Variants in SAR1A observed in about 807,000 individuals in gnomAD.
SAR1A encodes small COPII coat GTPase SAR1A.
In SAR1A, 6 loss-of-function variants were observed where a neutral mutation model predicts 22.6. The ratio of observed to expected loss-of-function variants is 0.27; its 90% CI spans 0.15 to 0.52. The LOEUF is 0.52. Ranked by LOEUF, SAR1A falls within the 20% of genes least tolerant of loss-of-function variation. The pLI is 0.96. For missense variants in SAR1A, 145 were observed against 245.1 expected, an observed-to-expected ratio of 0.59 and a Z score of 2.73; for synonymous variants, 70 against 82.2, an observed-to-expected ratio of 0.85 and a Z score of 0.80.
chr10:70,157,723 C>T (rs1227020876), intron 5 of SAR1A, 41 bp downstream of exon 5: 1 of 1,477,330 alleles, frequency 6.8e-7, no homozygotes, highest in Middle Eastern at 1.9e-4. Context: ...CAAAAAAGAA[C>T]AAAATATACA....
chr10:70,160,993 T>G lies in SAR1A; in HGVS notation c.244+11A>C. The G allele has an allele frequency of 1.9e-6, 3 of 1,604,598 alleles. No individual in the cohort carries two copies. The highest frequency in any genetic ancestry group is 2.6e-6 in the Non-Finnish European group (3 of 1,173,996). The stretch of plus-strand genomic sequence containing the variant: ...GTCAATAAACATGCTTTCCACTGAG[T>G]CATCACTTACCTTGCTCGTGCCCAC... On this transcript the variant is annotated intron_variant, in intron 4 of 6. Transcript: ENST00000373241.
At chr10:70,161,122 A>C in intron 3 of SAR1A, 53 bp from the exon 4 acceptor site, 4 of 1,232,288 alleles carry the variant, frequency 3.2e-6, no homozygotes, top group Non-Finnish European at 4.7e-6. Context: ...ACAACCCCCA[A>C]CTACTAGTAC....
intron 4 of SAR1A, among the ~76,000 whole-genome samples, chr10:70,160,206 A>G (rs2136715498): frequency 6.6e-6 from 1 of 152,354 alleles, no homozygotes; most frequent in East Asian, 1.9e-4. Context: ...TGACCAAAAA[A>G]AAAAGGAAAT....
rs754256265 is a variant in SAR1A at position 70,153,858 on chromosome 10, A to G, written c.460T>C (p.Tyr154His). ...CTTACCTTTCCTGTGGTCTGTCCATAAAGCCCAAATATCTCACGGAGTTTT... is the reference window on the plus strand; with the variant it reads ...CTTACCTTTCCTGTGGTCTGTCCATGAAGCCCAAATATCTCACGGAGTTTT... ...EEKLREIFGLYGQTTGKGNVT... is the reference protein window; with the variant it reads ...EEKLREIFGLHGQTTGKGNVT... Residue 154 changes from tyrosine (Y) to histidine (H), a missense_variant, in exon 6 of 7, where the codon TAT becomes CAT. Tyr to His is a moderately conservative substitution (Grantham distance 83). Around this residue, in one of 3 missense-constraint regions of SAR1A, gnomAD observed 83 missense variants for 114.7 expected, o/e 0.72. Coordinates refer to ENST00000373241, the MANE Select transcript of SAR1A (RefSeq NM_020150.5). The G allele has an allele frequency of 6.3e-7, 1 of 1,599,892 alleles. No individual in the cohort carries two copies. The highest frequency in any genetic ancestry group is 1.1e-5 in the South Asian group (1 of 87,386).
rs1038324489 is a variant in SAR1A, at chr10:70,150,094, A to G, written c.*2382T>C. 1 of 151,694 alleles carries G rather than the reference A, an allele frequency of 6.6e-6. No homozygotes were observed. The highest frequency in any genetic ancestry group is 2.4e-5 in the African/African-American group (1 of 41,266). The allele number at this position is 151,694 out of a possible 1,614,324, so 9.4% of individuals were successfully genotyped here. ...TTCAAGTATCTCACACGCACCCTAAATGTCTCTTCCTCTATGCAGGGAACT... is the reference window on the plus strand; with the variant it reads ...TTCAAGTATCTCACACGCACCCTAAGTGTCTCTTCCTCTATGCAGGGAACT... On this transcript the variant is annotated 3_prime_UTR_variant, in exon 7 of 7. Coordinates refer to ENST00000373241, the MANE Select transcript of SAR1A (RefSeq NM_020150.5).
At chr10:70,162,815 T>C (rs1839493457) in intron 1 of SAR1A, 1 of 152,346 alleles carries the variant, frequency 6.6e-6, no homozygotes, top group Non-Finnish European at 1.5e-5. Flanking sequence ...TCCCTTCATG[T>C]CTCTATGTTA....
At chr10:70,153,393 C>T (rs778190101) in intron 6 of SAR1A, among the ~76,000 whole-genome samples, 2 of 152,148 alleles carry the variant, frequency 1.3e-5, no homozygotes, top group African/African-American at 2.4e-5. Context: ...CTGCAAAATG[C>T]GGCCAACAGT....
At chr10:70,157,275 G>A (rs988868945) in intron 5 of SAR1A, among the ~76,000 whole-genome samples, 2 of 151,826 alleles carry the variant, frequency 1.3e-5, no homozygotes, top group Non-Finnish European at 2.9e-5. Flanking sequence ...GTGGTGGCAC[G>A]TGCCTGTAGT....
intron 1 of SAR1A, among the ~76,000 whole-genome samples, chr10:70,165,722 C>T (rs888845777): frequency 6.6e-6 from 1 of 152,132 alleles, no homozygotes; most frequent in South Asian, 2.1e-4. Context: ...TAGAAAATTA[C>T]AAAAACTTAC....
Position 70,151,086 on chromosome 10 carries a change from A to G in SAR1A, c.*1390T>C, listed in dbSNP as rs1839319594. 1 of 152,108 alleles carries G rather than the reference A, an allele frequency of 6.6e-6. No homozygotes were observed. Among genetic ancestry groups the G allele is most frequent in the Non-Finnish European group, 1.5e-5 (1 of 68,020 alleles). The allele number at this position is 152,108 out of a possible 1,614,324, so 9.4% of individuals were successfully genotyped here. ...TCCAATTTCACATGTGGCACTAGGA[A>G]AATGGAATGCTATAAAATTAATCCC... On this transcript the variant is annotated 3_prime_UTR_variant, in exon 7 of 7. Transcript: ENST00000373241.
chr10:70,155,978 A>C (rs1839382744), intron 5 of SAR1A, among the ~76,000 whole-genome samples: 1 of 152,214 alleles, frequency 6.6e-6, no homozygotes, highest in Non-Finnish European at 1.5e-5. Flanking sequence ...AAGTCTGAGA[A>C]AGTTCCTTCT....
At position 70,148,818 on chromosome 10, in the gene SAR1A, C is replaced by T. The variant is rs1320521786; in HGVS notation, c.*3658G>A. 2 of 155,834 alleles carry T rather than the reference C, an allele frequency of 1.3e-5. No homozygotes were observed. The highest frequency in any genetic ancestry group is 2.8e-5 in the Non-Finnish European group (2 of 71,122). The allele number at this position is 155,834 out of a possible 1,614,324, so 9.7% of individuals were successfully genotyped here. ...ACAAACAAACAAACAAACAAACAAACTTTCTCTCTCGAGTCCAGTGATTCT... is the reference window on the plus strand; with the variant it reads ...ACAAACAAACAAACAAACAAACAAATTTTCTCTCTCGAGTCCAGTGATTCT... On this transcript the variant is annotated 3_prime_UTR_variant, in exon 7 of 7. Transcript: ENST00000373241.
intron 4 of SAR1A, among the ~76,000 whole-genome samples, chr10:70,160,015 A>G (rs1399043033): frequency 6.6e-6 from 1 of 152,238 alleles, no homozygotes; most frequent in Non-Finnish European, 1.5e-5. Context: ...GTAATCACAC[A>G]TAGTCACTGT....
Position 70,153,903 on chromosome 10 carries a change from T to C in SAR1A, c.415A>G (p.Thr139Ala). Residue 139 changes from threonine (T) to alanine (A), a missense_variant, in exon 6 of 7, where the codon ACA becomes GCA. Physicochemically the swap from Thr to Ala is moderately conservative, Grantham distance 58. Transcript: ENST00000373241. Reference protein sequence around the residue: ...ILILGNKIDRTDAISEEKLRE... With the variant: ...ILILGNKIDRADAISEEKLRE... ...AGTTTTTCTTCACTGATTGCATCTGTTCTGTCAATTTTGTTACCCAAGATA... is the reference window on the plus strand; with the variant it reads ...AGTTTTTCTTCACTGATTGCATCTGCTCTGTCAATTTTGTTACCCAAGATA... The C allele has an allele frequency of 1.9e-6, 3 of 1,610,234 alleles. No individual in the cohort carries two copies. The highest frequency in any genetic ancestry group is 2.5e-6 in the Non-Finnish European group (3 of 1,178,238).
rs141640146 is a variant in SAR1A at position 70,152,014 on chromosome 10, TG to T, written c.*461del. On this transcript the variant is annotated 3_prime_UTR_variant, in exon 7 of 7. Transcript: ENST00000373241. Reference sequence around the variant, plus strand: ...GCCTCCATATCTGTTCATAATTTTATGAAGTATCTAAATGTCATTCATTAGT... The same window carrying T: ...GCCTCCATATCTGTTCATAATTTTATAAGTATCTAAATGTCATTCATTAGT... 570 of 197,888 alleles carry T rather than the reference TG, an allele frequency of 2.9e-3. 3 individuals are homozygous for T. Among genetic ancestry groups the T allele is most frequent in the African/African-American group, 0.013 (538 of 42,384 alleles). 12.3% of individuals were successfully genotyped at this position (197,888 alleles called of 1,614,324 possible).
intron 4 of SAR1A, among the ~76,000 whole-genome samples, chr10:70,158,466 T>C (rs1177010580): frequency 6.6e-6 from 1 of 152,212 alleles, no homozygotes; most frequent in African/African-American, 2.4e-5. Flanking sequence ...CTACCATATT[T>C]AACCCAGCAT....
chr10:70,158,757 C>CAAACAAAAAA (rs1554827243), intron 4 of SAR1A, among the ~76,000 whole-genome samples: 1 of 125,810 alleles, frequency 7.9e-6, no homozygotes, highest in African/African-American at 2.9e-5. Flanking sequence ...TTAAGTTATA[C>CAAACAAAAAA]AAAAAAAAAA....
chr10:70,168,877 GTGCAGTGT>G (rs1839587503), intron 1 of SAR1A, among the ~76,000 whole-genome samples: 1 of 152,020 alleles, frequency 6.6e-6, no homozygotes, highest in African/African-American at 2.4e-5. Flanking sequence ...CAAGGCTGAA[GTGCAGTGT>G]TGCCATCATG....
chr10:70,163,210 GA>G (rs1218223563), intron 1 of SAR1A, among the ~76,000 whole-genome samples: 1 of 152,098 alleles, frequency 6.6e-6, no homozygotes, highest in Admixed American at 6.6e-5. Flanking sequence ...TGAACGTCAA[GA>G]AAATGAAACA....
Sources: gnomAD v4.1 joint callset for allele counts (sites outside exome capture counted in the v4.1 genomes callset) on GRCh38, gnomAD v4.1.1 for gene constraint, gnomAD v4.1.1 regional missense constraint, MANE v1.5 for transcripts, NCBI Gene and HGNC (gene_info 2026-07-23, HGNC 2026-07-21) for gene names.